PTPRT: variants seen among roughly 807,000 people sequenced by gnomAD.
PTPRT encodes the protein receptor-type tyrosine-protein phosphatase T.
PTPRT carries 56 observed loss-of-function variants against 176.8 expected under a neutral mutation model. The observed-to-expected ratio is 0.32, with a 90% CI of 0.26 to 0.40. The LOEUF (loss-of-function observed/expected upper bound fraction) is 0.40. Ranked by LOEUF, PTPRT falls within the 10% of genes least tolerant of loss-of-function variation. The probability of loss-of-function intolerance (pLI) is 1.00; values close to 1 mark genes in which losing one functional copy is unlikely to be tolerated. For synonymous variants in PTPRT, 783 were observed against 739.0 expected (o/e 1.06, Z -0.96); for missense variants, 1,540 against 1,908.2 (o/e 0.81, Z 3.60).
intron 1 of PTPRT, among the ~76,000 whole-genome samples, chr20:43,010,724 T>C (rs1285574275): frequency 2.8e-5 from 4 of 141,210 alleles, no homozygotes; most frequent in Non-Finnish European, 6.2e-5. Context: ...ATCCACCACT[T>C]GCAAGAAAAA....
rs540690298 is a variant in PTPRT, at chr20:42,471,088, C to T, written c.1450+1178G>A. On this transcript the variant is annotated intron_variant, in intron 8 of 30. Transcript: ENST00000373187. Reference sequence around the variant, plus strand: ...GATACCTTGAGCTTGAGATGACTGTCATCCAGCCAGATGAATATTCAGTTC... The same window carrying T: ...GATACCTTGAGCTTGAGATGACTGTTATCCAGCCAGATGAATATTCAGTTC... Among the ~76,000 whole-genome samples the T allele has an allele frequency of 2.0e-5, 3 of 152,298 alleles. No homozygotes were observed. The South Asian group carries it at 6.2e-4, about 32-fold the overall frequency.
chr20:42,813,061 A>G (rs2077724250), intron 2 of PTPRT, among the ~76,000 whole-genome samples: 1 of 152,032 alleles, frequency 6.6e-6, no homozygotes, highest in African/African-American at 2.4e-5. Context: ...ACTTCCCTCT[A>G]CACTGTTTTT....
At chr20:42,107,093 A>T (rs1986523134) in intron 23 of PTPRT, among the ~76,000 whole-genome samples, 172 bp from the exon 24 acceptor site, 1 of 152,266 alleles carries the variant, frequency 6.6e-6, no homozygotes, top group African/African-American at 2.4e-5. Context: ...CAAACCACAC[A>T]TATACATGCC....
chr20:43,188,322 C>T (rs570552940), intron 1 of PTPRT, among the ~76,000 whole-genome samples: 1 of 152,190 alleles, frequency 6.6e-6, no homozygotes. Context: ...GGAGTGTCTT[C>T]GTCACCCAAC....
At chr20:42,200,050 T>C (rs1369149285) in intron 15 of PTPRT, among the ~76,000 whole-genome samples, 3 of 120,146 alleles carry the variant, frequency 2.5e-5, no homozygotes, top group East Asian at 2.2e-4. Flanking sequence ...ACCTGAAGAG[T>C]CACAAAAAAA....
intron 13 of PTPRT, among the ~76,000 whole-genome samples, chr20:42,255,271 G>A (rs1419949339): frequency 6.6e-6 from 1 of 152,184 alleles, no homozygotes; most frequent in African/African-American, 2.4e-5. Flanking sequence ...AATGTGATTT[G>A]ATATTCTCAT....
chr20:42,675,545 C>T, intron 7 of PTPRT, among the ~76,000 whole-genome samples: 1 of 152,234 alleles, frequency 6.6e-6, no homozygotes, highest in East Asian at 1.9e-4. Context: ...TAATTCCTGA[C>T]TCCAAATGTA....
At chr20:43,073,514 G>GTA (rs146257841) in intron 1 of PTPRT, among the ~76,000 whole-genome samples, 5 of 150,846 alleles carry the variant, frequency 3.3e-5, no homozygotes, top group African/African-American at 1.2e-4. Context: ...ACACACGTGT[G>GTA]TATATATATA....
chr20:42,616,539 T>C (rs1421403142), intron 7 of PTPRT, among the ~76,000 whole-genome samples: 15 of 126,844 alleles, frequency 1.2e-4, no homozygotes, highest in African/African-American at 1.9e-4. Flanking sequence ...AGTATGGCCA[T>C]TTTCACAATA....
intron 7 of PTPRT, among the ~76,000 whole-genome samples, chr20:42,585,542 C>T (rs2073456595): frequency 6.6e-6 from 1 of 152,154 alleles, no homozygotes; most frequent in African/African-American, 2.4e-5. Flanking sequence ...TAGCTACAGT[C>T]ATAATAGTTA....
chr20:43,135,272 A>C (rs1039829896), intron 1 of PTPRT, among the ~76,000 whole-genome samples: 2 of 152,174 alleles, frequency 1.3e-5, no homozygotes, highest in South Asian at 4.1e-4. Context: ...TCTGTGTTTT[A>C]ATATATGTTT....
chr20:43,158,881 A>C (rs542934249), intron 1 of PTPRT, among the ~76,000 whole-genome samples: 3 of 152,326 alleles, frequency 2.0e-5, no homozygotes, highest in Non-Finnish European at 4.4e-5. Flanking sequence ...CATGGTTTAT[A>C]TTGTGCAGTA....
chr20:43,164,727 A>T (rs2014808151), intron 1 of PTPRT, among the ~76,000 whole-genome samples: 1 of 152,242 alleles, frequency 6.6e-6, no homozygotes, highest in African/African-American at 2.4e-5. Context: ...AACCATAAAT[A>T]ATATGGAAAT....
At chr20:42,732,169 A>G (rs1273012583) in intron 6 of PTPRT, among the ~76,000 whole-genome samples, 1 of 152,232 alleles carries the variant, frequency 6.6e-6, no homozygotes, top group African/African-American at 2.4e-5. Flanking sequence ...AAAAAAATAA[A>G]TAAAATTTAA....
At chr20:42,819,291 C>T (rs1456849223) in intron 2 of PTPRT, among the ~76,000 whole-genome samples, 1 of 152,166 alleles carries the variant, frequency 6.6e-6, no homozygotes, top group East Asian at 1.9e-4. Flanking sequence ...ATTTCATATG[C>T]AGCCAAACTA....
At chr20:42,329,032 C>G (rs1256033610) in intron 11 of PTPRT, among the ~76,000 whole-genome samples, 5 of 151,864 alleles carry the variant, frequency 3.3e-5, no homozygotes, top group African/African-American at 9.7e-5. Flanking sequence ...TTAGCAAACA[C>G]AATAGGGGAC....
intron 8 of PTPRT, among the ~76,000 whole-genome samples, chr20:42,449,652 T>C (rs1342411264): frequency 6.6e-6 from 1 of 152,170 alleles, no homozygotes; most frequent in East Asian, 1.9e-4. Flanking sequence ...GGCTCTTAAG[T>C]TGTAAAGAGG....
At chr20:42,928,780 T>C (rs1312207469) in intron 1 of PTPRT, among the ~76,000 whole-genome samples, 1 of 152,054 alleles carries the variant, frequency 6.6e-6, no homozygotes, top group Non-Finnish European at 1.5e-5. Context: ...GAAACGTCCC[T>C]CCCTTCCTGC....
At chr20:42,887,972 C>T (rs899893462) in intron 1 of PTPRT, among the ~76,000 whole-genome samples, 2 of 152,152 alleles carry the variant, frequency 1.3e-5, no homozygotes. Flanking sequence ...CTGCCATGTG[C>T]GGACTCATAG....
Sources: gnomAD v4.1 joint callset for allele counts (sites outside exome capture counted in the v4.1 genomes callset) on GRCh38, gnomAD v4.1.1 for gene constraint, MANE v1.5 for transcripts, NCBI Gene and HGNC (gene_info 2026-07-23, HGNC 2026-07-21) for gene names.